Variants in CEP192 observed in about 807,000 individuals in gnomAD.
CEP192 encodes the protein centrosomal protein 192.
A neutral mutation model predicts 271.8 loss-of-function variants in CEP192; 151 were observed. The ratio of observed to expected loss-of-function variants is 0.56; its 90% CI spans 0.49 to 0.64. The LOEUF (loss-of-function observed/expected upper bound fraction) is 0.64, where lower values mean the gene tolerates loss of function less well. Ranked by LOEUF, CEP192 falls within the 30% of genes least tolerant of loss-of-function variation. The pLI, the probability that CEP192 is intolerant of heterozygous loss-of-function variation, is 0.00. For missense variants in CEP192, 2,910 were observed against 3,020.5 expected, an observed-to-expected ratio of 0.96 and a Z score of 0.86; for synonymous variants, 995 against 1,076.5, an observed-to-expected ratio of 0.92 and a Z score of 1.48.
chr18:13,001,291 C>T (rs1382847920), intron 2 of CEP192, among the ~76,000 whole-genome samples, 166 bp from the exon 3 acceptor site: 1 of 152,172 alleles, frequency 6.6e-6, no homozygotes, highest in Non-Finnish European at 1.5e-5. Flanking sequence ...TATTGCCAAG[C>T]CACAGGTTTC....
In CEP192 at chr18:13,068,232, G is replaced by A. The variant is rs2037818922; in HGVS notation, c.4753G>A (p.Gly1585Arg). The A allele has an allele frequency of 6.2e-7, 1 of 1,613,942 alleles. No individual in the cohort carries two copies. The highest frequency in any genetic ancestry group is 1.3e-5 in the African/African-American group (1 of 74,936). Residue 1585 changes from glycine to arginine, a missense_variant, in exon 23 of 45, where the codon GGA becomes AGA. Coordinates refer to ENST00000506447, the MANE Select transcript of CEP192 (RefSeq NM_032142.4). The stretch of plus-strand genomic sequence containing the variant: ...CCACATGATGCCTGCTAGTTATGAT[G>A]GACAGGTGGGAGAGAACTGGCTTAG... ...VNHMMPASYD[G>R]QDPEFLMIWV...
chr18:13,072,912 C>A (rs2038087790), intron 29 of CEP192, 67 bp downstream of exon 29: 1 of 1,533,484 alleles, frequency 6.5e-7, no homozygotes, highest in Admixed American at 1.7e-5. Context: ...ATATGCAGAC[C>A]TTTTTGTGTT....
Position 13,037,265 on chromosome 18 carries a change from TGAAGAA to T in CEP192, c.1567_1572del (p.Glu523_Glu524del), listed in dbSNP as rs749352068. 1 of 1,353,084 alleles carries T rather than the reference TGAAGAA, an allele frequency of 7.4e-7. No homozygotes were observed. The highest frequency in any genetic ancestry group is 1.0e-6 in the Non-Finnish European group (1 of 969,676). The allele number at this position is 1,353,084 out of a possible 1,614,324, so 83.8% of individuals were successfully genotyped here. On this transcript the variant is annotated inframe_deletion, in exon 12 of 45. Coordinates refer to ENST00000506447, the MANE Select transcript of CEP192 (RefSeq NM_032142.4). ...AAGCATTTGATTTGATTGCACAAGA[TGAAGAA>T]GAATTTAATAAAGAGCATCAATTTA...
rs1437214873 is a variant in CEP192, at chr18:13,017,230, A to T, written c.683A>T (p.Glu228Val). ...GAAATGTTTTATGATGATCATTTGG[A>T]GGCTTATTTTGAACAACTGGCAATT... is the stretch of plus-strand genomic sequence containing the variant. ...DDEMFYDDHL[E>V]AYFEQLAIPG... The change falls in exon 7 of 45, where the codon GAG becomes GTG. Residue 228 changes from glutamate to valine, a missense_variant. Physicochemically the swap from Glu to Val is moderately radical, Grantham distance 121 (BLOSUM62 -2). Transcript: ENST00000506447. The T allele has an allele frequency of 3.9e-6, 6 of 1,549,330 alleles. No individual in the cohort carries two copies. In the Admixed American group the frequency reaches 5.9e-5, roughly 15 times the overall value.
At chr18:13,050,610 C>T (rs1335414067) in intron 17 of CEP192, among the ~76,000 whole-genome samples, 1 of 150,046 alleles carries the variant, frequency 6.7e-6, no homozygotes, top group Non-Finnish European at 1.5e-5. Flanking sequence ...GACAGAGTCT[C>T]GCTCTGTGGG....
chr18:13,028,773 G>A (rs1028686148), intron 9 of CEP192, among the ~76,000 whole-genome samples: 8 of 152,142 alleles, frequency 5.3e-5, no homozygotes, highest in Non-Finnish European at 1.2e-4. Flanking sequence ...GTCCGCCTCG[G>A]CCTCCCAAAG....
At chr18:13,088,435 T>C (rs1285763986) in intron 32 of CEP192, among the ~76,000 whole-genome samples, 2 of 152,140 alleles carry the variant, frequency 1.3e-5, no homozygotes, top group Non-Finnish European at 2.9e-5. Context: ...GCCAGACCTC[T>C]CTCATAAATA....
At chr18:13,103,370 G>A (rs999637470) in intron 38 of CEP192, 139 bp from the exon 39 acceptor site, 3 of 644,788 alleles carry the variant, frequency 4.7e-6, no homozygotes, top group Non-Finnish European at 8.4e-6. Flanking sequence ...AGAAAATACT[G>A]TGGTTCTTGT....
intron 15 of CEP192, among the ~76,000 whole-genome samples, chr18:13,043,139 A>G (rs1192230704): frequency 6.6e-6 from 1 of 152,248 alleles, no homozygotes; most frequent in African/African-American, 2.4e-5. Flanking sequence ...CCTGATTACT[A>G]ATAAAGCTGG....
rs1005250665 is a variant in CEP192 at position 13,011,339 on chromosome 18, T to C, written c.467-1634T>C. ...GGAAAATAACGTCTTTGTGAGGATA[T>C]GGAGAAATTGAAATCCTCATACATT... On this transcript the variant is annotated intron_variant, in intron 4 of 44. Transcript: ENST00000506447. 5.3e-4 allele frequency among the ~76,000 whole-genome samples: 80 copies of C among 152,070 alleles called. 1 individual carries two copies. Among genetic ancestry groups the C allele is most frequent in the Non-Finnish European group, 2.1e-4 (14 of 68,010 alleles).
At chr18:13,034,912 C>A (rs1374965317) in intron 11 of CEP192, among the ~76,000 whole-genome samples, 1 of 151,868 alleles carries the variant, frequency 6.6e-6, no homozygotes, top group Non-Finnish European at 1.5e-5. Flanking sequence ...CAAGGTGCTG[C>A]ATTGCTGCCG....
At chr18:13,084,253 AT>A (rs1269559489) in intron 30 of CEP192, among the ~76,000 whole-genome samples, 1 of 152,126 alleles carries the variant, frequency 6.6e-6, no homozygotes, top group Non-Finnish European at 1.5e-5. Context: ...GGTTGTAGGC[AT>A]TGCAGAGCTA....
intron 44 of CEP192, among the ~76,000 whole-genome samples, chr18:13,124,216 T>C (rs905510692): frequency 2.6e-5 from 4 of 152,088 alleles, no homozygotes; most frequent in African/African-American, 9.7e-5. Flanking sequence ...CCATTAATGA[T>C]AGGGTTGGGA....
intron 11 of CEP192, among the ~76,000 whole-genome samples, chr18:13,036,610 C>T (rs534284101): frequency 2.0e-4 from 31 of 152,318 alleles, no homozygotes; most frequent in African/African-American, 7.2e-4. Context: ...CACAAATCCA[C>T]CACTCCCAGT....
chr18:13,082,446 T>G (rs1172975157), intron 30 of CEP192, among the ~76,000 whole-genome samples: 1 of 144,392 alleles, frequency 6.9e-6, no homozygotes, highest in Non-Finnish European at 1.5e-5. Flanking sequence ...TTTTTTTTTT[T>G]TTTTTTTTTT....
rs1176900444 is a variant in CEP192 at position 13,114,133 on chromosome 18, A to C, written c.7171A>C (p.Ile2391Leu). Residue 2391 changes from isoleucine to leucine, a missense_variant, in exon 42 of 45, where the codon ATC becomes CTC. Coordinates refer to ENST00000506447, the MANE Select transcript of CEP192 (RefSeq NM_032142.4). ...TLRFQLSGQS[I>L]EAENEPENAC... is the part of the protein sequence containing the mutation. Reference sequence around the variant, plus strand: ...ACCCTGTGATTTTTCTGTATAGAGCATCGAAGCAGAAAATGAGCCTGAAAA... The same window carrying C: ...ACCCTGTGATTTTTCTGTATAGAGCCTCGAAGCAGAAAATGAGCCTGAAAA... The C allele has an allele frequency of 6.2e-7, 1 of 1,613,396 alleles. No homozygotes were observed. Among genetic ancestry groups the C allele is most frequent in the East Asian group, 2.2e-5 (1 of 44,834 alleles).
At chr18:13,055,461 T>C (rs2037042848) in intron 18 of CEP192, among the ~76,000 whole-genome samples, 1 of 152,266 alleles carries the variant, frequency 6.6e-6, no homozygotes, top group Non-Finnish European at 1.5e-5. Context: ...TTTTGTAAAG[T>C]TTACAGAAAT....
chr18:13,084,390 A>G (rs535010397), intron 30 of CEP192, among the ~76,000 whole-genome samples: 1 of 152,104 alleles, frequency 6.6e-6, no homozygotes, highest in Non-Finnish European at 1.5e-5. Context: ...CTGCTGTGTT[A>G]GCAGTGAGCA....
At chr18:13,057,781 T>G (rs376480230) in intron 20 of CEP192, 48 bp downstream of exon 20, 21 of 1,578,126 alleles carry the variant, frequency 1.3e-5, no homozygotes, top group African/African-American at 2.7e-5. Flanking sequence ...GCATTGTGAT[T>G]AGGTGCTTGA....
Sources: allele counts gnomAD v4.1 joint callset (sites outside exome capture counted in the v4.1 genomes callset), GRCh38; gene constraint gnomAD v4.1.1; transcripts MANE v1.5; gene names NCBI Gene and HGNC (gene_info 2026-07-23, HGNC 2026-07-21).